TANC1: variants seen among roughly 807,000 people sequenced by gnomAD.
TANC1 encodes tetratricopeptide repeat, ankyrin repeat and coiled-coil containing 1, also known as protein TANC1.
Under a neutral mutation model 149.7 loss-of-function variants are expected in TANC1, and 77 were observed. That is an observed-to-expected ratio of 0.51 (90% CI 0.43 to 0.62). TANC1 has a LOEUF of 0.62. Ranked by LOEUF, TANC1 falls within the 20% of genes least tolerant of loss-of-function variation. TANC1 has a pLI of 0.00. For synonymous variants in TANC1, 854 were observed against 925.0 expected, an observed-to-expected ratio of 0.92 and a Z score of 1.39; for missense variants, 1,985 against 2,321.8, an observed-to-expected ratio of 0.85 and a Z score of 2.98.
chr2:159,216,667 G>C (rs2059371064), intron 19 of TANC1, among the ~76,000 whole-genome samples: 2 of 152,160 alleles, frequency 1.3e-5, no homozygotes, highest in African/African-American at 4.8e-5. Context: ...CTCCTTGCAT[G>C]CCATTTTTCT....
intron 1 of TANC1, among the ~76,000 whole-genome samples, chr2:158,985,144 G>A (rs1019380188): frequency 3.9e-5 from 6 of 152,296 alleles, no homozygotes; most frequent in Admixed American, 2.6e-4. Context: ...GCCTGAGTTA[G>A]TGGGAGGAAG....
chr2:158,983,446 G>C (rs1384801438), intron 1 of TANC1, among the ~76,000 whole-genome samples: 2 of 119,100 alleles, frequency 1.7e-5, no homozygotes, highest in Admixed American at 1.1e-4. Context: ...CAGCCTGGGA[G>C]ACAGAGCAAG....
rs578020168 is a variant in TANC1 at position 159,015,000 on chromosome 2, C to T, written c.-16+13811C>T. Among the ~76,000 whole-genome samples the T allele has an allele frequency of 8.5e-5, 13 of 152,314 alleles. 1 individual carries two copies. Among genetic ancestry groups the T allele is most frequent in the Admixed American group, 8.5e-4 (13 of 15,308 alleles). ...GTTAGTGGATCTACAATTCTGGGGT[C>T]TGGAGGATGATGGCCCTCTTCTCAC... On this transcript the variant is annotated intron_variant, in intron 2 of 26. Transcript: ENST00000263635.
intron 19 of TANC1, among the ~76,000 whole-genome samples, chr2:159,207,681 T>G (rs2058700103): frequency 1.0e-5 from 1 of 100,136 alleles, no homozygotes; most frequent in African/African-American, 3.8e-5. Flanking sequence ...CCTGGGCGAC[T>G]GAGCAACACG....
intron 2 of TANC1, among the ~76,000 whole-genome samples, chr2:159,046,622 C>T (rs1440369061): frequency 2.0e-5 from 2 of 98,374 alleles, no homozygotes; most frequent in Admixed American, 1.3e-4. Flanking sequence ...TTTTTTGAGG[C>T]AGGGTCTAGC....
rs530117690 is a variant in TANC1 at position 159,024,766 on chromosome 2, T to C, written c.-16+23577T>C. On this transcript the variant is annotated intron_variant, in intron 2 of 26. Coordinates refer to ENST00000263635, the MANE Select transcript of TANC1 (RefSeq NM_033394.3). ...ACTTCATCTCAAAAAAAAAAAAAAA[T>C]CTTTTAGATCATATTTAGATTATAT... Among the ~76,000 whole-genome samples the C allele has an allele frequency of 2.6e-5, 4 of 151,178 alleles. No homozygotes were observed. In the East Asian group the frequency reaches 7.8e-4, roughly 30 times the overall value.
intron 6 of TANC1, 179 bp downstream of exon 6, chr2:159,149,451 G>GA: frequency 1.3e-6 from 1 of 787,954 alleles, no homozygotes; most frequent in East Asian, 2.8e-5. Flanking sequence ...GGGAGGTAGG[G>GA]AAAAGCAGAA....
At chr2:159,126,150 A>G (rs2049426773) in intron 4 of TANC1, among the ~76,000 whole-genome samples, 1 of 152,176 alleles carries the variant, frequency 6.6e-6, no homozygotes, top group Non-Finnish European at 1.5e-5. Context: ...CCATCTGCAG[A>G]GTCCCTACAT....
At position 159,030,511 on chromosome 2, in the gene TANC1, A is replaced by G. The variant is rs73969418; in HGVS notation, c.-16+29322A>G. Among the ~76,000 whole-genome samples the G allele has an allele frequency of 6.8e-3, 1,032 of 152,240 alleles. 6 individuals carry two copies. Among genetic ancestry groups the G allele is most frequent in the African/African-American group, 0.023 (961 of 41,552 alleles). ...ATAGTTGTAATTTCAATAATCATGG[A>G]TGTTAGCTTTGAAGTGGTTGATAAG... On this transcript the variant is annotated intron_variant, in intron 2 of 26. Transcript: ENST00000263635.
intron 16 of TANC1, among the ~76,000 whole-genome samples, chr2:159,192,245 A>T (rs1185809084): frequency 6.6e-6 from 1 of 152,190 alleles, no homozygotes; most frequent in Admixed American, 6.5e-5. Flanking sequence ...TTAGGAACAC[A>T]TCCCTATAAA....
chr2:159,008,694 C>G (rs2037462999), intron 2 of TANC1, among the ~76,000 whole-genome samples: 1 of 152,156 alleles, frequency 6.6e-6, no homozygotes, highest in Admixed American at 6.5e-5. Context: ...TTCTCTTTTA[C>G]TGCATATATC....
intron 7 of TANC1, 175 bp downstream of exon 7, chr2:159,150,731 C>G (rs2052699733): frequency 1.8e-6 from 1 of 554,970 alleles, no homozygotes; most frequent in South Asian, 2.4e-5. Context: ...GGAGCATTGG[C>G]TTTTACATTC....
chr2:159,009,204 G>A (rs1047334458), intron 2 of TANC1, among the ~76,000 whole-genome samples: 1 of 152,044 alleles, frequency 6.6e-6, no homozygotes, highest in East Asian at 1.9e-4. Context: ...ACAGGTGAAG[G>A]TGCCTCAAAA....
Position 159,163,185 on chromosome 2 carries a change from A to G in TANC1, c.683-98A>G, listed in dbSNP as rs188302896. On this transcript the variant is annotated intron_variant, in intron 7 of 26. Coordinates refer to ENST00000263635, the MANE Select transcript of TANC1 (RefSeq NM_033394.3). ...GATAAAAATCTGTGTGGACTGGAAA[A>G]CTTTCCATTGATCCTGGGGAGGGCA... is the stretch of plus-strand genomic sequence containing the variant. 63 of 1,244,124 alleles carry G rather than the reference A, an allele frequency of 5.1e-5. No individual in the cohort carries two copies. In the African/African-American group the frequency reaches 6.8e-4, roughly 13 times the overall value. 77.1% of individuals were successfully genotyped at this position (1,244,124 alleles called of 1,614,324 possible). A position where few individuals can be genotyped will look rare whatever the true frequency, so the allele number is the denominator to read the frequency against.
chr2:159,206,941 G>C (rs1321895202), intron 19 of TANC1, among the ~76,000 whole-genome samples: 1 of 152,206 alleles, frequency 6.6e-6, no homozygotes, highest in Non-Finnish European at 1.5e-5. Flanking sequence ...AGAAGTGACA[G>C]CTGTCCAAAG....
intron 3 of TANC1, among the ~76,000 whole-genome samples, chr2:159,094,174 T>A (rs1275255456): frequency 6.6e-6 from 1 of 152,230 alleles, no homozygotes; most frequent in Admixed American, 6.5e-5. Context: ...AGTGCCTTTG[T>A]GGCCTGTCAG....
intron 2 of TANC1, among the ~76,000 whole-genome samples, chr2:159,063,337 C>G (rs938776683): frequency 5.9e-5 from 9 of 152,162 alleles, no homozygotes; most frequent in African/African-American, 1.9e-4. Context: ...CCCCTAGGGT[C>G]TATTCCTATA....
At chr2:159,101,838 A>C (rs1157364504) in intron 4 of TANC1, among the ~76,000 whole-genome samples, 1 of 152,188 alleles carries the variant, frequency 6.6e-6, no homozygotes, top group Non-Finnish European at 1.5e-5. Flanking sequence ...AATGAGAAGC[A>C]ACCCTTTGAA....
In TANC1 at chr2:159,176,907, A is replaced by ATTTTTTT. The variant is rs10647127; in HGVS notation, c.1902+403_1902+409dup. 1.9e-3 allele frequency among the ~76,000 whole-genome samples: 193 copies of ATTTTTTT among 101,998 alleles called. 8 individuals carry two copies. Among genetic ancestry groups the ATTTTTTT allele is most frequent in the Admixed American group, 2.1e-3 (16 of 7,676 alleles). The allele number at this position is 101,998 out of a possible 152,430, so 66.9% of individuals were successfully genotyped here. A position where few individuals can be genotyped will look rare whatever the true frequency, so the allele number is the denominator to read the frequency against. On this transcript the variant is annotated intron_variant, in intron 13 of 26. Transcript: ENST00000263635. ...TTGAAGGGAAAAATGAAGGTGAAAG[A>ATTTTTTT]TTTTTTTTTTTTTTTTTTTTGAGAT...
Sources: gnomAD v4.1 joint callset for allele counts (sites outside exome capture counted in the v4.1 genomes callset) on GRCh38, gnomAD v4.1.1 for gene constraint, MANE v1.5 for transcripts, NCBI Gene and HGNC (gene_info 2026-07-23, HGNC 2026-07-21) for gene names.